The following CTNNA2 variants were observed in gnomAD, a reference collection of about 807,000 sequenced individuals.
CTNNA2 encodes catenin alpha-2.
In CTNNA2, 42 loss-of-function variants were observed where a neutral mutation model predicts 101.0. The ratio of observed to expected loss-of-function variants is 0.42; its 90% CI spans 0.32 to 0.54. CTNNA2 has a LOEUF of 0.54. Ranked by LOEUF, CTNNA2 falls within the 20% of genes least tolerant of loss-of-function variation. CTNNA2 has a pLI of 0.14. For synonymous variants in CTNNA2, 450 were observed against 456.4 expected (o/e 0.99, Z 0.18); for missense variants, 871 against 1,223.1 (o/e 0.71, Z 4.29).
intron 1 of CTNNA2, among the ~76,000 whole-genome samples, chr2:79,534,315 C>T (rs544028682): frequency 1.6e-4 from 25 of 152,022 alleles, no homozygotes; most frequent in Middle Eastern, 3.4e-3. Context: ...CACCGTTGGG[C>T]GCATTACTTT....
intron 7 of CTNNA2, among the ~76,000 whole-genome samples, chr2:80,381,412 CATA>C (rs1393938334): frequency 6.6e-6 from 1 of 152,132 alleles, no homozygotes; most frequent in Non-Finnish European, 1.5e-5. Context: ...CTAGTTCCCT[CATA>C]ATGTTAAGAA....
chr2:80,463,959 A>G (rs1372161845), intron 9 of CTNNA2, among the ~76,000 whole-genome samples: 1 of 152,056 alleles, frequency 6.6e-6, no homozygotes, highest in Non-Finnish European at 1.5e-5. Flanking sequence ...ATGAAGCCCT[A>G]TTCTCCTTTT....
chr2:79,803,735 C>T (rs1676349588), intron 3 of CTNNA2, among the ~76,000 whole-genome samples: 1 of 152,244 alleles, frequency 6.6e-6, no homozygotes, highest in African/African-American at 2.4e-5. Context: ...GGCTTGCTCC[C>T]AGCACTTTAA....
chr2:80,381,839 C>G (rs1201901259), intron 7 of CTNNA2, among the ~76,000 whole-genome samples: 1 of 152,158 alleles, frequency 6.6e-6, no homozygotes, highest in East Asian at 1.9e-4. Flanking sequence ...ACCATTTTAT[C>G]GAATCTATTC....
At chr2:80,388,248 C>A (rs1342415204) in intron 7 of CTNNA2, among the ~76,000 whole-genome samples, 2 of 152,140 alleles carry the variant, frequency 1.3e-5, no homozygotes, top group African/African-American at 4.8e-5. Flanking sequence ...TAATCAGTCA[C>A]TTCATCTCTC....
At chr2:79,587,378 C>A (rs763144657) in intron 1 of CTNNA2, among the ~76,000 whole-genome samples, 10 of 151,978 alleles carry the variant, frequency 6.6e-5, no homozygotes, top group Non-Finnish European at 1.3e-4. Flanking sequence ...ACGTAACATG[C>A]CCAAGGCAGA....
intron 7 of CTNNA2, among the ~76,000 whole-genome samples, chr2:79,985,907 A>G (rs552766146): frequency 6.6e-6 from 1 of 152,122 alleles, no homozygotes; most frequent in African/African-American, 2.4e-5. Flanking sequence ...TAAAGCAAAT[A>G]TCTGTCCTTA....
At chr2:80,210,800 C>T (rs1707839962) in intron 7 of CTNNA2, among the ~76,000 whole-genome samples, 1 of 152,152 alleles carries the variant, frequency 6.6e-6, no homozygotes, top group Non-Finnish European at 1.5e-5. Context: ...CAGTGTCTTC[C>T]ACAATGATTG....
chr2:80,032,572 T>C (rs971885411), intron 7 of CTNNA2, among the ~76,000 whole-genome samples: 1 of 152,086 alleles, frequency 6.6e-6, no homozygotes, highest in Non-Finnish European at 1.5e-5. Flanking sequence ...ACTACTAATA[T>C]GACAAAATAT....
At chr2:79,773,555 A>G (rs777356865) in intron 3 of CTNNA2, among the ~76,000 whole-genome samples, 21 of 152,192 alleles carry the variant, frequency 1.4e-4, no homozygotes, top group Non-Finnish European at 2.2e-4. Context: ...ATATGCATCT[A>G]TCTCAGTAAG....
intron 7 of CTNNA2, among the ~76,000 whole-genome samples, chr2:80,315,146 G>A (rs1350798959): frequency 1.3e-5 from 2 of 152,104 alleles, no homozygotes; most frequent in Non-Finnish European, 2.9e-5. Flanking sequence ...TGAAGAAAAG[G>A]AGGGAAAATA....
intron 7 of CTNNA2, among the ~76,000 whole-genome samples, chr2:79,919,404 TCAAA>T (rs1280287952): frequency 6.6e-6 from 1 of 152,200 alleles, no homozygotes; most frequent in Admixed American, 6.5e-5. Flanking sequence ...TCTCTCCTTA[TCAAA>T]CAAACTCCTT....
intron 7 of CTNNA2, among the ~76,000 whole-genome samples, chr2:80,278,571 A>G: frequency 6.6e-6 from 1 of 152,114 alleles, no homozygotes; most frequent in East Asian, 1.9e-4. Flanking sequence ...CTGCTGCACA[A>G]GTGTTTTCCA....
intron 4 of CTNNA2, among the ~76,000 whole-genome samples, chr2:79,419,621 A>G (rs1429716808): frequency 6.6e-6 from 1 of 152,132 alleles, no homozygotes; most frequent in African/African-American, 2.4e-5. Flanking sequence ...TAGATATAAA[A>G]TTTATTAATG....
At chr2:79,274,346 G>A (rs1430312692) in intron 2 of CTNNA2, among the ~76,000 whole-genome samples, 1 of 152,006 alleles carries the variant, frequency 6.6e-6, no homozygotes, top group Non-Finnish European at 1.5e-5. Flanking sequence ...TGCCAGTGGG[G>A]ACTTTTAGTC....
intron 3 of CTNNA2, among the ~76,000 whole-genome samples, chr2:79,756,384 C>T (rs1672400727): frequency 6.6e-6 from 1 of 152,070 alleles, no homozygotes; most frequent in African/African-American, 2.4e-5. Context: ...GAGTTCTATG[C>T]ACAGGCACTA....
intron 13 of CTNNA2, among the ~76,000 whole-genome samples, chr2:80,576,977 A>G (rs1695111301): frequency 6.6e-6 from 1 of 152,040 alleles, no homozygotes; most frequent in Non-Finnish European, 1.5e-5. Context: ...TTAAAATTTC[A>G]AGGGTAGCAC....
intron 7 of CTNNA2, among the ~76,000 whole-genome samples, chr2:79,966,338 C>T (rs764400775): frequency 6.6e-6 from 1 of 152,046 alleles, no homozygotes. Context: ...GGGGCTCAAG[C>T]GATCCTCCCA....
At chr2:80,406,682 C>A (rs571962753) in intron 8 of CTNNA2, among the ~76,000 whole-genome samples, 1 of 151,912 alleles carries the variant, frequency 6.6e-6, no homozygotes, top group Admixed American at 6.6e-5. Flanking sequence ...AAAAAATTAG[C>A]CGGGTGTGGT....
Sources: gnomAD v4.1 joint callset for allele counts (sites outside exome capture counted in the v4.1 genomes callset) on GRCh38, gnomAD v4.1.1 for gene constraint, MANE v1.5 for transcripts, NCBI Gene and HGNC (gene_info 2026-07-23, HGNC 2026-07-21) for gene names.